GALNT18: variants seen among roughly 807,000 people sequenced by gnomAD.
The protein encoded by GALNT18 is GalNAc-transferase 18.
Under a neutral mutation model 69.5 loss-of-function variants are expected in GALNT18, and 44 were observed. That is an observed-to-expected ratio of 0.63 (90% confidence interval 0.50 to 0.81). GALNT18 has a LOEUF of 0.81. GALNT18 is among the 40% of genes least tolerant of loss of function. The pLI is 0.00. For synonymous variants in GALNT18, 364 were observed against 318.2 expected (o/e 1.14, Z -1.53); for missense variants, 715 against 810.0 (o/e 0.88, Z 1.42).
At chr11:11,394,816 C>T (rs1854287110) in intron 3 of GALNT18, among the ~76,000 whole-genome samples, 1 of 152,230 alleles carries the variant, frequency 6.6e-6, no homozygotes, top group South Asian at 2.1e-4. Flanking sequence ...TGACTACATC[C>T]TGGCTTTCCC....
chr11:11,330,304 CA>C (rs1463954830), intron 8 of GALNT18, among the ~76,000 whole-genome samples: 1 of 152,222 alleles, frequency 6.6e-6, no homozygotes, highest in Non-Finnish European at 1.5e-5. Flanking sequence ...CCTGAAAAGA[CA>C]TCTGGTCTCT....
intron 10 of GALNT18, among the ~76,000 whole-genome samples, chr11:11,275,036 TTA>T (rs757439191): frequency 2.0e-5 from 3 of 152,382 alleles, no homozygotes; most frequent in Non-Finnish European, 4.4e-5. Flanking sequence ...ATAGAATGAT[TTA>T]TGATACTTTG....
chr11:11,289,256 A>G (rs186980757), intron 10 of GALNT18, among the ~76,000 whole-genome samples: 1 of 152,330 alleles, frequency 6.6e-6, no homozygotes, highest in East Asian at 1.9e-4. Context: ...TAATTATTAA[A>G]TAGCAAGTGA....
chr11:11,386,185 C>G (rs1223814023), intron 3 of GALNT18, among the ~76,000 whole-genome samples: 1 of 152,164 alleles, frequency 6.6e-6, no homozygotes, highest in African/African-American at 2.4e-5. Context: ...GAGTATAACC[C>G]AGCTTCCTCA....
intron 3 of GALNT18, among the ~76,000 whole-genome samples, chr11:11,403,632 C>G (rs931785951): frequency 6.6e-6 from 1 of 152,224 alleles, no homozygotes; most frequent in Admixed American, 6.5e-5. Flanking sequence ...GGGCTATACT[C>G]TCTCCTCCCC....
chr11:11,374,669 T>A (rs916380612), intron 5 of GALNT18, among the ~76,000 whole-genome samples: 2 of 152,256 alleles, frequency 1.3e-5, no homozygotes, highest in African/African-American at 4.8e-5. Context: ...GCTAGGGTAT[T>A]AAGTGGATTC....
intron 1 of GALNT18, among the ~76,000 whole-genome samples, chr11:11,504,439 G>A (rs115631743): frequency 1.3e-5 from 2 of 150,140 alleles, no homozygotes. Flanking sequence ...TTATTGAAAA[G>A]AAAAAAAAAA....
chr11:11,395,772 A>T (rs545575538), intron 3 of GALNT18, among the ~76,000 whole-genome samples: 11 of 152,368 alleles, frequency 7.2e-5, no homozygotes, highest in Non-Finnish European at 1.0e-4. Context: ...AAATGAAGAA[A>T]GGGAACCTCA....
chr11:11,465,240 G>A lies in GALNT18; in HGVS notation c.236-16304C>T, dbSNP rs1390332331. Reference sequence around the variant, plus strand: ...AAGGGATGTCAAGGAGGCCACATTGGCACCGGGAGCTGAATGCCACAGTGG... The same window carrying A: ...AAGGGATGTCAAGGAGGCCACATTGACACCGGGAGCTGAATGCCACAGTGG... On this transcript the variant is annotated intron_variant, in intron 1 of 10. Transcript: ENST00000227756. The surrounding 1 kb of genome is among the most constrained non-coding windows in gnomAD (Gnocchi z 5.7). 6.6e-6 allele frequency among the ~76,000 whole-genome samples: 1 copy of A among 152,126 alleles called. No homozygotes were observed. The highest frequency in any genetic ancestry group is 1.9e-4 in the East Asian group (1 of 5,174).
At chr11:11,331,393 T>A (rs1307665248) in intron 8 of GALNT18, among the ~76,000 whole-genome samples, 3 of 152,068 alleles carry the variant, frequency 2.0e-5, no homozygotes, top group Admixed American at 6.5e-5. Flanking sequence ...AGGATTCCAA[T>A]TCTGTCTGCT....
At chr11:11,403,969 T>C (rs1854528088) in intron 3 of GALNT18, among the ~76,000 whole-genome samples, 1 of 152,236 alleles carries the variant, frequency 6.6e-6, no homozygotes, top group Admixed American at 6.5e-5. Flanking sequence ...GGAGGATCCC[T>C]GTCCTCAATT....
chr11:11,455,914 C>A (rs897895528), intron 1 of GALNT18, among the ~76,000 whole-genome samples: 10 of 152,126 alleles, frequency 6.6e-5, no homozygotes, highest in Non-Finnish European at 1.5e-4. Context: ...CATGCAGAAA[C>A]CCCATCTCTA....
rs7395405 is a variant in GALNT18, at chr11:11,435,797, G to C, written c.429-3010C>G. Among the ~76,000 whole-genome samples, 152,250 of 152,308 alleles carry C rather than the reference G, an allele frequency of 1. 76,096 individuals are homozygous for C. The highest frequency in any genetic ancestry group is 1 in the Middle Eastern group (294 of 294). ...AGGAGAGTCAGGTCCCGGTCCTCCC[G>C]CCGACCAGCAGGCTCCTGTTCTCCC... is the stretch of plus-strand genomic sequence containing the variant. On this transcript the variant is annotated intron_variant, in intron 2 of 10. Coordinates refer to ENST00000227756, the MANE Select transcript of GALNT18 (RefSeq NM_198516.3). This position sits in a 1 kb window ranked among gnomAD's most constrained non-coding sequence, Gnocchi z 4.4.
rs1855239017 is a variant in GALNT18 at position 11,430,395 on chromosome 11, G to A, written c.595+2226C>T. On this transcript the variant is annotated intron_variant, in intron 3 of 10. Coordinates refer to ENST00000227756, the MANE Select transcript of GALNT18 (RefSeq NM_198516.3). This position sits in a 1 kb window ranked among gnomAD's most constrained non-coding sequence, Gnocchi z 4.9. ...GGCTACCATCCACAGAGCTTGTTCGGATCTCTCCTTACATAGGCAGGCACT... is the reference window on the plus strand; with the variant it reads ...GGCTACCATCCACAGAGCTTGTTCGAATCTCTCCTTACATAGGCAGGCACT... 1.3e-5 allele frequency among the ~76,000 whole-genome samples: 2 copies of A among 152,154 alleles called. No homozygotes were observed.
chr11:11,560,539 G>A (rs953410025), intron 1 of GALNT18, among the ~76,000 whole-genome samples: 1 of 152,202 alleles, frequency 6.6e-6, no homozygotes, highest in African/African-American at 2.4e-5. Context: ...TCTGAGTCCT[G>A]CCTATGGAAG....
rs73417668 is a variant in GALNT18, at chr11:11,308,971, T to G, written c.1513-15778A>C. On this transcript the variant is annotated intron_variant, in intron 9 of 10. Transcript: ENST00000227756. ...GTCTAATACTCCATTGCCCTACTTTTGCCCAATCACCTTGCTGTGGTTTGA... is the reference window on the plus strand; with the variant it reads ...GTCTAATACTCCATTGCCCTACTTTGGCCCAATCACCTTGCTGTGGTTTGA... Among the ~76,000 whole-genome samples, 336 of 152,284 alleles carry G rather than the reference T, an allele frequency of 2.2e-3. 1 individual carries two copies. Among genetic ancestry groups the G allele is most frequent in the African/African-American group, 7.7e-3 (321 of 41,556 alleles).
intron 1 of GALNT18, among the ~76,000 whole-genome samples, chr11:11,549,245 T>C (rs1226786505): frequency 2.0e-5 from 3 of 152,230 alleles, no homozygotes; most frequent in Non-Finnish European, 2.9e-5. Context: ...GGCCCAGGCC[T>C]GTGATCCTGG....
At chr11:11,506,415 A>G (rs1857070801) in intron 1 of GALNT18, among the ~76,000 whole-genome samples, 1 of 152,172 alleles carries the variant, frequency 6.6e-6, no homozygotes, top group African/African-American at 2.4e-5. Flanking sequence ...CACCATCTAG[A>G]CCCTGTCCAG....
intron 10 of GALNT18, 136 bp downstream of exon 10, chr11:11,292,893 T>C (rs1212077537): frequency 1.4e-6 from 1 of 734,806 alleles, no homozygotes; most frequent in Admixed American, 3.8e-5. Flanking sequence ...CAAAGCAGTC[T>C]GGAGCCACAG....
Sources: allele counts gnomAD v4.1 joint callset (sites outside exome capture counted in the v4.1 genomes callset), GRCh38; gene constraint gnomAD v4.1.1; non-coding constraint Gnocchi (gnomAD v3.1); transcripts MANE v1.5; gene names NCBI Gene and HGNC (gene_info 2026-07-23, HGNC 2026-07-21).